The following GPATCH2 variants were observed in gnomAD, a reference collection of about 807,000 sequenced individuals.
The protein encoded by GPATCH2 is G patch domain-containing protein 2.
Under a neutral mutation model 58.0 loss-of-function variants are expected in GPATCH2, and 51 were observed. That is an observed-to-expected ratio of 0.88 (90% CI 0.70 to 1.11). The LOEUF (loss-of-function observed/expected upper bound fraction) is 1.11, where lower values mean the gene tolerates loss of function less well. Ranked by LOEUF, GPATCH2 falls within the 50% of genes most tolerant of loss-of-function variation. The pLI is 0.00. For missense variants in GPATCH2, 625 were observed against 652.2 expected, an observed-to-expected ratio of 0.96 and a Z score of 0.45; for synonymous variants, 222 against 218.5, an observed-to-expected ratio of 1.02 and a Z score of -0.14.
chr1:217,582,745 A>G (rs1388716862), intron 5 of GPATCH2, among the ~76,000 whole-genome samples: 1 of 152,222 alleles, frequency 6.6e-6, no homozygotes, highest in East Asian at 1.9e-4. Flanking sequence ...CAATAAAACT[A>G]GCCAGCAGGT....
At chr1:217,467,386 C>A (rs1238582245) in intron 8 of GPATCH2, among the ~76,000 whole-genome samples, 2 of 152,096 alleles carry the variant, frequency 1.3e-5, no homozygotes, top group Non-Finnish European at 2.9e-5. Context: ...TACTTAGAAA[C>A]TATTTCAAGT....
chr1:217,547,674 A>AAT (rs1233985654), intron 5 of GPATCH2, among the ~76,000 whole-genome samples: 1 of 152,202 alleles, frequency 6.6e-6, no homozygotes, highest in Non-Finnish European at 1.5e-5. Flanking sequence ...GACACCATGG[A>AAT]ATACTATGCA....
chr1:217,586,955 G>C (rs1667368358), intron 5 of GPATCH2, among the ~76,000 whole-genome samples: 1 of 152,188 alleles, frequency 6.6e-6, no homozygotes, highest in South Asian at 2.1e-4. Flanking sequence ...GCGAGGATAT[G>C]ATTAACATAA....
intron 8 of GPATCH2, among the ~76,000 whole-genome samples, chr1:217,461,880 T>C (rs1660216466): frequency 1.3e-5 from 2 of 152,180 alleles, no homozygotes; most frequent in Admixed American, 1.3e-4. Flanking sequence ...AGATATATGT[T>C]ATATCCCTAA....
At chr1:217,582,194 T>C (rs1010071959) in intron 5 of GPATCH2, among the ~76,000 whole-genome samples, 1 of 152,178 alleles carries the variant, frequency 6.6e-6, no homozygotes, top group Non-Finnish European at 1.5e-5. Flanking sequence ...CCTCTTCCTG[T>C]GCCATTCCCC....
intron 2 of GPATCH2, among the ~76,000 whole-genome samples, chr1:217,619,455 A>C (rs144607561): frequency 3.3e-5 from 5 of 152,198 alleles, no homozygotes; most frequent in Non-Finnish European, 7.4e-5. Flanking sequence ...ATAATTAAAC[A>C]TATAATTATA....
chr1:217,502,126 T>C (rs1025960611), intron 6 of GPATCH2, among the ~76,000 whole-genome samples: 1 of 152,118 alleles, frequency 6.6e-6, no homozygotes, highest in Non-Finnish European at 1.5e-5. Context: ...ACTGTAGCTA[T>C]ACAGTAAGTA....
At chr1:217,593,518 G>T (rs1048159565) in intron 5 of GPATCH2, among the ~76,000 whole-genome samples, 1 of 151,902 alleles carries the variant, frequency 6.6e-6, no homozygotes, top group African/African-American at 2.4e-5. Context: ...GAAGATTTTT[G>T]ACATTTAATT....
chr1:217,467,380 T>G (rs1444846539), intron 8 of GPATCH2, among the ~76,000 whole-genome samples: 1 of 152,210 alleles, frequency 6.6e-6, no homozygotes, highest in Non-Finnish European at 1.5e-5. Context: ...TACCTATACT[T>G]AGAAACTATT....
intron 5 of GPATCH2, among the ~76,000 whole-genome samples, chr1:217,591,893 A>G (rs1667609812): frequency 6.6e-6 from 1 of 152,028 alleles, no homozygotes; most frequent in Non-Finnish European, 1.5e-5. Flanking sequence ...AAGTCAGATT[A>G]TTTTTAAAGT....
intron 5 of GPATCH2, among the ~76,000 whole-genome samples, chr1:217,531,555 G>T (rs1664190501): frequency 6.6e-6 from 1 of 152,058 alleles, no homozygotes; most frequent in African/African-American, 2.4e-5. Context: ...AAAAAAAATA[G>T]TAGACAATAC....
At position 217,440,888 on chromosome 1, in the gene GPATCH2, C is replaced by T. The variant is rs144740329; in HGVS notation, c.1366+8361G>A. Among the ~76,000 whole-genome samples, 975 of 152,260 alleles carry T rather than the reference C, an allele frequency of 6.4e-3. 6 individuals are homozygous for T. Among genetic ancestry groups the T allele is most frequent in the African/African-American group, 0.022 (930 of 41,548 alleles). On this transcript the variant is annotated intron_variant, in intron 9 of 9. Coordinates refer to ENST00000366935, the MANE Select transcript of GPATCH2 (RefSeq NM_018040.5). ...CAAACAAATGGAAAAACATTCCATG[C>T]TCATGGATAGGAAGAATCAATATTG...
chr1:217,520,837 A>C (rs1300208407), intron 5 of GPATCH2, among the ~76,000 whole-genome samples: 3 of 152,156 alleles, frequency 2.0e-5, no homozygotes, highest in African/African-American at 7.2e-5. Context: ...AAATTTATTT[A>C]AGTGTATTTA....
intron 8 of GPATCH2, among the ~76,000 whole-genome samples, chr1:217,490,847 A>G (rs760641683): frequency 6.6e-5 from 10 of 152,028 alleles, no homozygotes; most frequent in Admixed American, 1.3e-4. Context: ...GTGTTTGGTG[A>G]TTTTTGATTG....
At chr1:217,621,776 T>C (rs1025549957) in intron 1 of GPATCH2, among the ~76,000 whole-genome samples, 3 of 152,250 alleles carry the variant, frequency 2.0e-5, no homozygotes. Flanking sequence ...TTCATTTTAA[T>C]AACCTAAAAA....
chr1:217,618,817 G>A (rs749676618), intron 2 of GPATCH2, among the ~76,000 whole-genome samples: 6 of 151,824 alleles, frequency 4.0e-5, no homozygotes, highest in Admixed American at 6.6e-5. Context: ...AAAAAAATTC[G>A]CCAGGCATGG....
At chr1:217,604,638 AT>A (rs1037427535) in intron 5 of GPATCH2, among the ~76,000 whole-genome samples, 5 of 152,182 alleles carry the variant, frequency 3.3e-5, no homozygotes, top group African/African-American at 1.2e-4. Flanking sequence ...CATAGGCTGT[AT>A]TTTTTAAAAT....
At chr1:217,581,366 A>G (rs1667074575) in intron 5 of GPATCH2, among the ~76,000 whole-genome samples, 1 of 152,258 alleles carries the variant, frequency 6.6e-6, no homozygotes, top group African/African-American at 2.4e-5. Context: ...GACAAGTTGG[A>G]AGACAAAGGC....
At chr1:217,465,370 CAACAA>C (rs1404865277) in intron 8 of GPATCH2, among the ~76,000 whole-genome samples, 2 of 151,978 alleles carry the variant, frequency 1.3e-5, no homozygotes, top group Non-Finnish European at 2.9e-5. Flanking sequence ...AAAGTCAAAG[CAACAA>C]AACAAAACAA....
Sources: allele counts gnomAD v4.1 joint callset (sites outside exome capture counted in the v4.1 genomes callset), GRCh38; gene constraint gnomAD v4.1.1; transcripts MANE v1.5; gene names NCBI Gene and HGNC (gene_info 2026-07-23, HGNC 2026-07-21).